ENTREP2: variants seen among roughly 807,000 people sequenced by gnomAD.
The protein encoded by ENTREP2 is protein ENTREP2.
chr15:29,550,755 G>A, the ENTREP2 span, among the ~76,000 whole-genome samples: 6 of 152,166 alleles, frequency 3.9e-5, no homozygotes, highest in African/African-American at 1.4e-4. Flanking sequence ...GTTTCCTTGT[G>A]TCATTTATCT....
chr15:29,503,580 T>C, the ENTREP2 span, among the ~76,000 whole-genome samples: 2 of 152,290 alleles, frequency 1.3e-5, no homozygotes, highest in East Asian at 1.9e-4. Flanking sequence ...AATGGTGACT[T>C]GCATGTTATG....
chr15:29,663,535 A>T, the ENTREP2 span, among the ~76,000 whole-genome samples: 1 of 152,204 alleles, frequency 6.6e-6, no homozygotes, highest in Non-Finnish European at 1.5e-5. Flanking sequence ...GTGCAGCCAT[A>T]AAAAAGAATG....
the ENTREP2 span, among the ~76,000 whole-genome samples, chr15:29,474,286 C>T: frequency 6.6e-6 from 1 of 152,260 alleles, no homozygotes; most frequent in East Asian, 1.9e-4. Flanking sequence ...GGGCGGGGGC[C>T]ATCCCCACCC....
chr15:29,530,980 G>A, the ENTREP2 span, among the ~76,000 whole-genome samples: 5 of 152,096 alleles, frequency 3.3e-5, no homozygotes, highest in African/African-American at 1.2e-4. Context: ...ATCCCAAAAC[G>A]GTGCCGCACC....
At chr15:29,358,231 T>A in the ENTREP2 span, among the ~76,000 whole-genome samples, 1 of 152,156 alleles carries the variant, frequency 6.6e-6, no homozygotes. Context: ...ATTCACACCA[T>A]GGAAGACTGC....
chr15:29,407,870 C>A, the ENTREP2 span, among the ~76,000 whole-genome samples: 2 of 151,950 alleles, frequency 1.3e-5, no homozygotes, highest in Admixed American at 1.3e-4. Context: ...ATGGAGATAG[C>A]GTTTCACCAT....
At chr15:29,563,474 G>A in the ENTREP2 span, among the ~76,000 whole-genome samples, 166 of 151,790 alleles carry the variant, frequency 1.1e-3, no homozygotes, top group African/African-American at 3.6e-3. Flanking sequence ...ATTCTTTTCT[G>A]ACATCTCTCT....
At chr15:29,369,479 C>T in the ENTREP2 span, among the ~76,000 whole-genome samples, 1 of 151,788 alleles carries the variant, frequency 6.6e-6, no homozygotes, top group East Asian at 1.9e-4. Context: ...AACTATCCCT[C>T]GAAAATGAAG....
chr15:29,383,199 G>A, the ENTREP2 span, among the ~76,000 whole-genome samples: 1 of 152,130 alleles, frequency 6.6e-6, no homozygotes, highest in Non-Finnish European at 1.5e-5. Context: ...CTCAGCCCAG[G>A]GCTTTGCCAT....
At chr15:29,302,369 T>C in the ENTREP2 span, among the ~76,000 whole-genome samples, 16 of 152,208 alleles carry the variant, frequency 1.1e-4, no homozygotes, top group African/African-American at 3.6e-4. Context: ...TTTTAAAAAG[T>C]AGAATGATGC....
chr15:29,671,019 C>A, the ENTREP2 span, among the ~76,000 whole-genome samples: 854 of 152,306 alleles, frequency 5.6e-3, 9 homozygotes, highest in African/African-American at 0.02. Context: ...CCCCACTCCC[C>A]GCAAACCTCC....
chr15:29,223,504 CACAG>C, the ENTREP2 span, among the ~76,000 whole-genome samples: 1 of 152,196 alleles, frequency 6.6e-6, no homozygotes. Context: ...GTCCAGTGGA[CACAG>C]ACACACATAC....
chr15:29,205,197 C>T, the ENTREP2 span, among the ~76,000 whole-genome samples: 1 of 152,148 alleles, frequency 6.6e-6, no homozygotes, highest in Non-Finnish European at 1.5e-5. Flanking sequence ...ATGCATCTAC[C>T]ATATTTTCTT....
the ENTREP2 span, among the ~76,000 whole-genome samples, chr15:29,578,111 GA>G: frequency 2.0e-5 from 3 of 151,832 alleles, no homozygotes; most frequent in Admixed American, 6.6e-5. Context: ...ACCACAATAA[GA>G]AAAAAACAAT....
At chr15:29,301,034 A>G in the ENTREP2 span, among the ~76,000 whole-genome samples, 1 of 152,264 alleles carries the variant, frequency 6.6e-6, no homozygotes, top group Middle Eastern at 3.2e-3. Context: ...TCTAGGGAGA[A>G]GGACTGAAAT....
chr15:29,341,480 C>T, the ENTREP2 span, among the ~76,000 whole-genome samples: 1 of 152,182 alleles, frequency 6.6e-6, no homozygotes, highest in Admixed American at 6.5e-5. Context: ...CTGGGCAGCT[C>T]GATGAAGGCT....
the ENTREP2 span, among the ~76,000 whole-genome samples, chr15:29,184,381 C>T: frequency 6.6e-6 from 1 of 152,140 alleles, no homozygotes; most frequent in Non-Finnish European, 1.5e-5. Context: ...GTCATTTGCA[C>T]GGAAATGACC....
the ENTREP2 span, among the ~76,000 whole-genome samples, chr15:29,223,749 G>C: frequency 6.6e-6 from 1 of 152,116 alleles, no homozygotes; most frequent in Non-Finnish European, 1.5e-5. Context: ...CAGAGAGGCT[G>C]GTTCTGGAGC....
the ENTREP2 span, among the ~76,000 whole-genome samples, chr15:29,536,775 C>T: frequency 6.6e-6 from 1 of 152,088 alleles, no homozygotes; most frequent in Admixed American, 6.6e-5. Context: ...AATTTGGACA[C>T]ACATACCATA....
Sources: allele counts gnomAD v4.1 joint callset (sites outside exome capture counted in the v4.1 genomes callset), GRCh38; gene constraint gnomAD v4.1.1; transcripts MANE v1.5; gene names NCBI Gene and HGNC (gene_info 2026-07-23, HGNC 2026-07-21).